The following GALNT9 variants were observed in gnomAD, a reference collection of about 807,000 sequenced individuals.
GALNT9 encodes the protein GalNAc transferase 9.
In GALNT9, 47 loss-of-function variants were observed where a neutral mutation model predicts 63.1. The ratio of observed to expected loss-of-function variants is 0.75; its 90% confidence interval spans 0.59 to 0.95. The LOEUF is 0.95. GALNT9 is among the 40% of genes least tolerant of loss of function. The probability of loss-of-function intolerance (pLI) is 0.00; values close to 1 mark genes in which losing one functional copy is unlikely to be tolerated. For synonymous variants in GALNT9, 396 were observed against 365.7 expected (o/e 1.08, Z -0.94); for missense variants, 829 against 874.8 (o/e 0.95, Z 0.66).
chr12:132,326,587 G>A (rs1555246529), intron 1 of GALNT9, among the ~76,000 whole-genome samples: 2 of 152,166 alleles, frequency 1.3e-5, no homozygotes, highest in South Asian at 2.1e-4. Context: ...CCATGAAGAC[G>A]TGGACTTCCT....
chr12:132,321,190 C>A (rs537648895), intron 1 of GALNT9, among the ~76,000 whole-genome samples: 1 of 150,394 alleles, frequency 6.6e-6, no homozygotes, highest in Middle Eastern at 3.3e-3. Flanking sequence ...GGAGTCGAGG[C>A]CCCTGTTGGT....
At chr12:132,201,309 C>G in intron 7 of GALNT9, 48 bp from the exon 8 acceptor site, 1 of 1,376,590 alleles carries the variant, frequency 7.3e-7, no homozygotes, top group South Asian at 1.2e-5. Context: ...TCACCATGAC[C>G]TGGGTCTTCC....
rs1258745105 is a variant in GALNT9 at position 132,247,979 on chromosome 12, G to A, written c.1008C>T (p.Phe336=). The A allele has an allele frequency of 2.3e-5, 36 of 1,551,506 alleles. No individual in the cohort carries two copies. Among genetic ancestry groups the A allele is most frequent in the Middle Eastern group, 1.7e-4 (1 of 5,992 alleles). The change falls in exon 6 of 11, where the codon TTC becomes TTT. Residue 336 remains phenylalanine, a synonymous_variant. Coordinates refer to ENST00000328957, the MANE Select transcript of GALNT9 (RefSeq NM_001122636.2). The part of the protein sequence containing the change: ...GCSFVVDREY[F]GDIGLLDPGM... ...CGGGGTCCAGCAGCCCAATGTCTCC[G>A]AAGTACTCGCGGTCCACTACGAAGG...
intron 1 of GALNT9, among the ~76,000 whole-genome samples, chr12:132,294,906 C>T (rs980571820): frequency 7.2e-5 from 11 of 152,248 alleles, no homozygotes; most frequent in Non-Finnish European, 1.3e-4. Context: ...TTATCTCCAG[C>T]GTGGCCTCAT....
intron 1 of GALNT9, among the ~76,000 whole-genome samples, chr12:132,306,776 C>G (rs1881630936): frequency 6.6e-6 from 1 of 152,256 alleles, no homozygotes; most frequent in Non-Finnish European, 1.5e-5. Context: ...CCCCGCCATT[C>G]ATCATCACTG....
rs1878078809 is a variant in GALNT9, at chr12:132,238,292, C to T, written c.1077+9618G>A. Among the ~76,000 whole-genome samples, 1 of 152,122 alleles carries T rather than the reference C, an allele frequency of 6.6e-6. No individual in the cohort carries two copies. Among genetic ancestry groups the T allele is most frequent in the Admixed American group, 6.5e-5 (1 of 15,288 alleles). On this transcript the variant is annotated intron_variant, in intron 6 of 10. Transcript: ENST00000328957. This position sits in a 1 kb window ranked among gnomAD's most constrained non-coding sequence, Gnocchi z 6.5. ...TCCCTCACGGCGGAGACCGAGGACT[C>T]CCCTTTGCAGGTAGCTCTGGGGTCA...
chr12:132,267,944 CTCACATACAG>C (rs1879703526), intron 2 of GALNT9, among the ~76,000 whole-genome samples: 1 of 150,348 alleles, frequency 6.7e-6, no homozygotes, highest in African/African-American at 2.5e-5. Flanking sequence ...CACACACGCA[CTCACATACAG>C]TCACACACAT....
chr12:132,306,728 C>T (rs545457393), intron 1 of GALNT9, among the ~76,000 whole-genome samples: 1 of 152,326 alleles, frequency 6.6e-6, no homozygotes, highest in South Asian at 2.1e-4. Flanking sequence ...GGAAAAGCAG[C>T]TTCCTTTCGA....
At position 132,257,761 on chromosome 12, in the gene GALNT9, C is replaced by A. The variant is rs376462639; in HGVS notation, c.887G>T (p.Trp296Leu). Residue 296 changes from tryptophan to leucine, a missense_variant, in exon 5 of 11, where the codon TGG becomes TTG. Coordinates refer to ENST00000328957, the MANE Select transcript of GALNT9 (RefSeq NM_001122636.2). ...GATGATGTACATGCACCAGAGGCCCCAGTTGTAGCCATGGGCGGCGTTCGC... is the reference window on the plus strand; with the variant it reads ...GATGATGTACATGCACCAGAGGCCCAAGTTGTAGCCATGGGCGGCGTTCGC... ...QYANAAHGYN[W>L]GLWCMYIIPP... The A allele has an allele frequency of 6.4e-7, 1 of 1,550,558 alleles. No individual in the cohort carries two copies. Among genetic ancestry groups the A allele is most frequent in the Admixed American group, 2.0e-5 (1 of 51,004 alleles).
intron 6 of GALNT9, among the ~76,000 whole-genome samples, chr12:132,239,440 TCAGAGA>T (rs1265156764): frequency 1.8e-5 from 1 of 55,990 alleles, no homozygotes; most frequent in Non-Finnish European, 4.0e-5. Flanking sequence ...AGAGACAGAG[TCAGAGA>T]CAGAGAGGCA....
At position 132,296,440 on chromosome 12, in the gene GALNT9, C is replaced by G. The variant is rs1436726336; in HGVS notation, c.239-10010G>C. ...GGTGTCTTCCTGGGCTGCGTGATAT[C>G]AATCCCAAGTTTTCCTCTTTGAAAT... On this transcript the variant is annotated intron_variant, in intron 1 of 10. Transcript: ENST00000328957. The surrounding 1 kb of genome is among the most constrained non-coding windows in gnomAD (Gnocchi z 4.2). Among the ~76,000 whole-genome samples, 1 of 152,236 alleles carries G rather than the reference C, an allele frequency of 6.6e-6. No individual in the cohort carries two copies. Among genetic ancestry groups the G allele is most frequent in the Non-Finnish European group, 1.5e-5 (1 of 68,030 alleles).
chr12:132,237,092 G>A (rs142567809), intron 6 of GALNT9, among the ~76,000 whole-genome samples: 83 of 152,144 alleles, frequency 5.5e-4, no homozygotes, highest in African/African-American at 1.9e-3. Flanking sequence ...TGACCCCAGT[G>A]TGGAGCGGCC....
At chr12:132,303,491 G>A (rs1316058251) in intron 1 of GALNT9, among the ~76,000 whole-genome samples, 5 of 18,484 alleles carry the variant, frequency 2.7e-4, no homozygotes, top group Admixed American at 1.8e-3. Flanking sequence ...GCACAGAATC[G>A]CCCAGACACA....
intron 10 of GALNT9, 31 bp downstream of exon 10, chr12:132,197,761 A>ACCCCCCCGCC: frequency 7.0e-7 from 1 of 1,426,296 alleles, no homozygotes. Context: ...CCCCGCCCCA[A>ACCCCCCCGCC]CCCCACGGCC....
chr12:132,272,472 C>T (rs1555240839), intron 2 of GALNT9, among the ~76,000 whole-genome samples: 4 of 152,254 alleles, frequency 2.6e-5, no homozygotes. Context: ...AGTGCCTGGG[C>T]AGGTTGCTTG....
At chr12:132,280,322 T>C (rs1200172751) in intron 2 of GALNT9, 1 of 152,196 alleles carries the variant, frequency 6.6e-6, no homozygotes, top group Admixed American at 6.5e-5. Flanking sequence ...AAATGTCTCT[T>C]CTCCAAGGTG....
chr12:132,229,175 C>T (rs1877806316), intron 6 of GALNT9, among the ~76,000 whole-genome samples: 2 of 152,234 alleles, frequency 1.3e-5, no homozygotes, highest in South Asian at 4.1e-4. Context: ...CCTGCAGCTG[C>T]CTCTGCTCCT....
intron 1 of GALNT9, among the ~76,000 whole-genome samples, chr12:132,299,276 T>C (rs1593113026): frequency 1.7e-5 from 2 of 116,012 alleles, no homozygotes; most frequent in African/African-American, 3.5e-5. Flanking sequence ...CTGAGATAAC[T>C]CACTCCCATA....
intron 5 of GALNT9, 91 bp downstream of exon 5, chr12:132,257,598 C>G: frequency 1.0e-6 from 1 of 1,000,452 alleles, no homozygotes; most frequent in Non-Finnish European, 1.5e-6. Context: ...GTCCCCGGCC[C>G]TCATCCCTGG....
Sources: allele counts gnomAD v4.1 joint callset (sites outside exome capture counted in the v4.1 genomes callset), GRCh38; gene constraint gnomAD v4.1.1; non-coding constraint Gnocchi (gnomAD v3.1); transcripts MANE v1.5; gene names NCBI Gene and HGNC (gene_info 2026-07-23, HGNC 2026-07-21).